Variants in PRKCB observed in about 807,000 individuals in gnomAD.
The protein encoded by PRKCB is protein kinase C beta type.
In PRKCB, 13 loss-of-function variants were observed where a neutral mutation model predicts 81.5. That is an observed-to-expected ratio of 0.16 (90% confidence interval 0.10 to 0.25). The LOEUF (loss-of-function observed/expected upper bound fraction) is 0.25. Among genes scored for constraint, PRKCB ranks in the 10% least tolerant of loss-of-function variants. PRKCB has a pLI of 1.00. For synonymous variants in PRKCB, 335 were observed against 321.4 expected (o/e 1.04, Z -0.45); for missense variants, 509 against 875.7 (o/e 0.58, Z 5.29).
intron 13 of PRKCB, among the ~76,000 whole-genome samples, chr16:24,183,386 A>G (rs1329669973): frequency 6.6e-6 from 1 of 152,190 alleles, no homozygotes; most frequent in Non-Finnish European, 1.5e-5. Flanking sequence ...CAAGAATACA[A>G]TAGATTGTTA....
chr16:24,092,284 C>A (rs1030529558), intron 5 of PRKCB, among the ~76,000 whole-genome samples: 2 of 152,186 alleles, frequency 1.3e-5, no homozygotes, highest in African/African-American at 4.8e-5. Context: ...AATATGTGAC[C>A]TTTTGTGTTG....
rs766294893 is a variant in PRKCB at position 23,837,416 on chromosome 16, G to C, written c.205+10G>C. On this transcript the variant is annotated intron_variant, in intron 2 of 16. Coordinates refer to ENST00000643927, the MANE Select transcript of PRKCB (RefSeq NM_002738.7). ...GGATTCCAGTGCCAAGGTAGGCTCT[G>C]GGGCTTTGGGGATGCTATTTGTGGG... 5.0e-6 allele frequency: 8 copies of C among 1,605,844 alleles called. No homozygotes were observed. In the Admixed American group the frequency reaches 5.3e-5, roughly 11 times the overall value.
At chr16:23,939,863 G>A (rs141986074) in intron 2 of PRKCB, among the ~76,000 whole-genome samples, 3 of 152,222 alleles carry the variant, frequency 2.0e-5, no homozygotes, top group Non-Finnish European at 2.9e-5. Context: ...GGACTTCATC[G>A]AAACTAAACG....
chr16:24,076,247 C>A (rs1001428365), intron 5 of PRKCB, among the ~76,000 whole-genome samples: 1 of 152,134 alleles, frequency 6.6e-6, no homozygotes, highest in African/African-American at 2.4e-5. Context: ...CCAGTTAAGC[C>A]CAATTGGGAT....
chr16:24,024,205 G>T (rs980938610), intron 3 of PRKCB, among the ~76,000 whole-genome samples: 1 of 152,176 alleles, frequency 6.6e-6, no homozygotes, highest in African/African-American at 2.4e-5. Flanking sequence ...AGTGAAATAA[G>T]CCAGGCACAG....
At chr16:24,034,755 A>G (rs1965592397) in intron 4 of PRKCB, among the ~76,000 whole-genome samples, 1 of 152,098 alleles carries the variant, frequency 6.6e-6, no homozygotes, top group Admixed American at 6.5e-5. Flanking sequence ...CAGGGAGACC[A>G]GATGATTGTG....
chr16:24,067,458 C>A (rs1413209990), intron 5 of PRKCB, among the ~76,000 whole-genome samples: 1 of 152,014 alleles, frequency 6.6e-6, no homozygotes, highest in African/African-American at 2.4e-5. Flanking sequence ...TATCACCACA[C>A]CCCACTAATG....
chr16:23,991,452 T>C (rs895738921), intron 3 of PRKCB, among the ~76,000 whole-genome samples: 7 of 152,198 alleles, frequency 4.6e-5, no homozygotes, highest in East Asian at 3.9e-4. Context: ...CCCTACTCAG[T>C]ATGCAGCTCT....
chr16:24,136,552 A>G (rs1259968440), intron 9 of PRKCB, among the ~76,000 whole-genome samples: 1 of 152,146 alleles, frequency 6.6e-6, no homozygotes, highest in African/African-American at 2.4e-5. Context: ...GCAGATACGC[A>G]TCAGCACCAC....
intron 16 of PRKCB, among the ~76,000 whole-genome samples, chr16:24,201,776 C>T (rs1967960766): frequency 6.6e-6 from 1 of 152,214 alleles, no homozygotes; most frequent in Non-Finnish European, 1.5e-5. Flanking sequence ...TGGCTCACGC[C>T]TATAATCCCA....
chr16:24,158,550 A>G (rs1567395949), intron 10 of PRKCB, among the ~76,000 whole-genome samples: 1 of 131,230 alleles, frequency 7.6e-6, no homozygotes, highest in Non-Finnish European at 1.7e-5. Context: ...AAGTATATGT[A>G]TATGTATATG....
intron 16 of PRKCB, among the ~76,000 whole-genome samples, chr16:24,196,061 G>A (rs1026287610): frequency 2.6e-5 from 4 of 152,140 alleles, no homozygotes; most frequent in Admixed American, 6.6e-5. Flanking sequence ...TGATTCCTGA[G>A]TAGATATCTG....
At chr16:24,114,374 G>A (rs993734534) in intron 8 of PRKCB, among the ~76,000 whole-genome samples, 6 of 151,796 alleles carry the variant, frequency 4.0e-5, no homozygotes, top group Admixed American at 3.3e-4. Context: ...ACAGAATGAT[G>A]CTATATAGTT....
chr16:24,054,862 T>C (rs1965884977), intron 5 of PRKCB, among the ~76,000 whole-genome samples: 2 of 152,222 alleles, frequency 1.3e-5, no homozygotes, highest in Admixed American at 6.5e-5. Flanking sequence ...CTTTATTTAG[T>C]TGGTCATCCA....
chr16:24,171,394 G>A (rs1967438415), intron 10 of PRKCB, among the ~76,000 whole-genome samples: 1 of 152,204 alleles, frequency 6.6e-6, no homozygotes, highest in Admixed American at 6.5e-5. Flanking sequence ...TGATCTGAGA[G>A]AGAGCAGGGT....
intron 5 of PRKCB, among the ~76,000 whole-genome samples, chr16:24,081,806 G>A (rs971248536): frequency 1.3e-5 from 2 of 151,736 alleles, no homozygotes; most frequent in African/African-American, 2.4e-5. Flanking sequence ...GGGAGGCAGA[G>A]GTTGCAGTGA....
At chr16:23,997,289 C>A (rs886326067) in intron 3 of PRKCB, among the ~76,000 whole-genome samples, 2 of 152,144 alleles carry the variant, frequency 1.3e-5, no homozygotes, top group African/African-American at 4.8e-5. Context: ...TACAGGAGAT[C>A]CCTAAAGACA....
chr16:23,964,026 C>A (rs993755097), intron 2 of PRKCB, among the ~76,000 whole-genome samples: 1 of 152,108 alleles, frequency 6.6e-6, no homozygotes, highest in Non-Finnish European at 1.5e-5. Context: ...AGGGCTACTG[C>A]GGGGATTAAA....
At chr16:23,992,922 C>A (rs1001268837) in intron 3 of PRKCB, among the ~76,000 whole-genome samples, 3 of 152,092 alleles carry the variant, frequency 2.0e-5, no homozygotes, top group Non-Finnish European at 2.9e-5. Context: ...GTGGAAGTGG[C>A]CTCCTTACCT....
Sources: gnomAD v4.1 joint callset for allele counts (sites outside exome capture counted in the v4.1 genomes callset) on GRCh38, gnomAD v4.1.1 for gene constraint, MANE v1.5 for transcripts, NCBI Gene and HGNC (gene_info 2026-07-23, HGNC 2026-07-21) for gene names.